ZNF431: variants seen among roughly 807,000 people sequenced by gnomAD.
ZNF431 encodes zinc finger protein 431.
Under a neutral mutation model 57.0 loss-of-function variants are expected in ZNF431, and 34 were observed. That is an observed-to-expected ratio of 0.60 (90% CI 0.45 to 0.79). ZNF431 has a LOEUF of 0.79. Among genes scored for constraint, ZNF431 ranks in the 30% least tolerant of loss-of-function variants. The pLI, the probability that ZNF431 is intolerant of heterozygous loss-of-function variation, is 0.00. For synonymous variants in ZNF431, 207 were observed against 220.3 expected, an observed-to-expected ratio of 0.94 and a Z score of 0.54; for missense variants, 607 against 667.1, an observed-to-expected ratio of 0.91 and a Z score of 0.99.
chr19:21,175,919 A>G (rs1205995670), intron 4 of ZNF431, among the ~76,000 whole-genome samples: 1 of 152,228 alleles, frequency 6.6e-6, no homozygotes, highest in African/African-American at 2.4e-5. Context: ...AGAATGATTT[A>G]TATTCCTTTG....
At chr19:21,149,153 C>A (rs1192909300) in intron 2 of ZNF431, among the ~76,000 whole-genome samples, 1 of 152,134 alleles carries the variant, frequency 6.6e-6, no homozygotes, top group Non-Finnish European at 1.5e-5. Context: ...TATAAAGTCT[C>A]TTTTCTTTAT....
intron 2 of ZNF431, among the ~76,000 whole-genome samples, chr19:21,157,281 G>T (rs556347941): frequency 8.6e-4 from 131 of 152,122 alleles, no homozygotes; most frequent in Middle Eastern, 3.4e-3. Flanking sequence ...GGGACTGCAG[G>T]CATGTGCCAT....
rs1215364408 is a variant in ZNF431, at chr19:21,191,221, G to A, written c.*7187G>A. 3 of 146,754 alleles carry A rather than the reference G, an allele frequency of 2.0e-5. No individual in the cohort carries two copies. The highest frequency in any genetic ancestry group is 5.4e-5 in the African/African-American group (2 of 37,148). 9.1% of individuals were successfully genotyped at this position (146,754 alleles called of 1,614,324 possible). The stretch of plus-strand genomic sequence containing the variant: ...TGTAATCCCAGCACTTTGGGAGGCC[G>A]AGGCAGGTGGATCACGAGGTCAGAA... On this transcript the variant is annotated 3_prime_UTR_variant, in exon 5 of 5. Coordinates refer to ENST00000311048, the MANE Select transcript of ZNF431 (RefSeq NM_133473.4).
intron 4 of ZNF431, among the ~76,000 whole-genome samples, chr19:21,176,512 G>A (rs989090223): frequency 1.3e-4 from 19 of 151,722 alleles, no homozygotes; most frequent in African/African-American, 4.4e-4. Flanking sequence ...CAAAGTGCTG[G>A]GATTATAGCC....
intron 2 of ZNF431, among the ~76,000 whole-genome samples, chr19:21,160,442 A>C (rs943344829): frequency 1.1e-4 from 16 of 152,206 alleles, no homozygotes; most frequent in African/African-American, 3.9e-4. Flanking sequence ...GTAAAATGTC[A>C]TGCTGGAGCA....
chr19:21,153,109 C>T (rs765847459), intron 2 of ZNF431, among the ~76,000 whole-genome samples: 5 of 152,208 alleles, frequency 3.3e-5, no homozygotes, highest in African/African-American at 7.2e-5. Context: ...AACTTCCAGA[C>T]ATTGCCATGG....
In ZNF431 at chr19:21,190,539, A is replaced by G. The variant is rs1305461710; in HGVS notation, c.*6505A>G. The G allele has an allele frequency of 6.6e-6, 1 of 151,706 alleles. No individual in the cohort carries two copies. The highest frequency in any genetic ancestry group is 2.4e-5 in the African/African-American group (1 of 41,276). The allele number at this position is 151,706 out of a possible 1,614,324, so 9.4% of individuals were successfully genotyped here. ...GAGTTATTCTAACAGGAATGAGTTG[A>G]TATAGGGATTTTTTTTTTGGCTTGT... On this transcript the variant is annotated 3_prime_UTR_variant, in exon 5 of 5. Transcript: ENST00000311048.
chr19:21,152,304 A>G, intron 2 of ZNF431, among the ~76,000 whole-genome samples: 1 of 152,210 alleles, frequency 6.6e-6, no homozygotes, highest in East Asian at 1.9e-4. Flanking sequence ...GGTCCAGAGA[A>G]AGACCTACTC....
intron 4 of ZNF431, among the ~76,000 whole-genome samples, chr19:21,168,805 T>C (rs147252356): frequency 9.2e-5 from 14 of 152,366 alleles, no homozygotes; most frequent in African/African-American, 3.4e-4. Context: ...TAAGACTGTT[T>C]TCTTCCTCTA....
At position 21,167,014 on chromosome 19, in the gene ZNF431, C is replaced by A. The variant is rs1450739198; in HGVS notation, c.223+553C>A. 2.6e-5 allele frequency among the ~76,000 whole-genome samples: 4 copies of A among 152,096 alleles called. No individual in the cohort carries two copies. In the East Asian group the frequency reaches 7.7e-4, roughly 29 times the overall value. ...TAGCTGGGATTACAGGTGCACACCT[C>A]CACACCCAGCAAATTTTTGTATTAG... is the stretch of plus-strand genomic sequence containing the variant. On this transcript the variant is annotated intron_variant, in intron 3 of 4. Coordinates refer to ENST00000311048, the MANE Select transcript of ZNF431 (RefSeq NM_133473.4).
At chr19:21,144,797 G>T (rs1311082283) in intron 2 of ZNF431, among the ~76,000 whole-genome samples, 1 of 152,114 alleles carries the variant, frequency 6.6e-6, no homozygotes, top group Non-Finnish European at 1.5e-5. Context: ...TAATTGGTGA[G>T]TTACATAGAT....
intron 2 of ZNF431, among the ~76,000 whole-genome samples, chr19:21,157,823 C>T (rs556354725): frequency 6.6e-5 from 10 of 151,608 alleles, no homozygotes; most frequent in Admixed American, 1.3e-4. Flanking sequence ...CCACCGCACC[C>T]GGCCATTTGT....
intron 2 of ZNF431, among the ~76,000 whole-genome samples, chr19:21,164,417 C>G (rs913832422): frequency 6.6e-6 from 1 of 152,006 alleles, no homozygotes; most frequent in African/African-American, 2.4e-5. Context: ...TATGGCAGAT[C>G]ATATTTTTAT....
chr19:21,143,668 G>A, intron 2 of ZNF431, 25 bp downstream of exon 2: 1 of 1,565,030 alleles, frequency 6.4e-7, no homozygotes, highest in Non-Finnish European at 8.8e-7. Flanking sequence ...CATTAAAATT[G>A]TCTACGCCCA....
At position 21,193,611 on chromosome 19, in the gene ZNF431, A is replaced by G. The variant is rs1971550170; in HGVS notation, c.*9577A>G. ...ACAACAACAACAAAACTATAGGCCAATATTTTGGGTGAACATTGAAACAAA... is the reference window on the plus strand; with the variant it reads ...ACAACAACAACAAAACTATAGGCCAGTATTTTGGGTGAACATTGAAACAAA... On this transcript the variant is annotated 3_prime_UTR_variant, in exon 5 of 5. Coordinates refer to ENST00000311048, the MANE Select transcript of ZNF431 (RefSeq NM_133473.4). The G allele has an allele frequency of 6.6e-6, 1 of 152,196 alleles. No homozygotes were observed. The highest frequency in any genetic ancestry group is 6.5e-5 in the Admixed American group (1 of 15,272). The allele number at this position is 152,196 out of a possible 1,614,324, so 9.4% of individuals were successfully genotyped here. A position where few individuals can be genotyped will look rare whatever the true frequency, so the allele number is the denominator to read the frequency against.
chr19:21,157,734 C>T (rs62124924), intron 2 of ZNF431, among the ~76,000 whole-genome samples: 22,066 of 151,802 alleles, frequency 0.15, 1,892 homozygotes, highest in Non-Finnish European at 0.2. Context: ...CGGGGTTTCA[C>T]CATGTTGGCC....
chr19:21,182,735 A>C lies in ZNF431; in HGVS notation c.432A>C (p.Leu144Phe). The change falls in exon 5 of 5, where the codon TTA (leucine) becomes TTC (phenylalanine). Residue 144 changes from leucine to phenylalanine, a missense_variant. By Grantham distance (22) the Leu-to-Phe change is conservative. Transcript: ENST00000311048. ...YGKCEHENLQLRKGSASVDEY... is the reference protein window; with the variant it reads ...YGKCEHENLQFRKGSASVDEY... ...AATGTGAACATGAGAATTTACAGTT[A>C]AGAAAAGGCTCCGCAAGTGTAGATG... 1 of 1,613,946 alleles carries C rather than the reference A, an allele frequency of 6.2e-7. No homozygotes were observed. The highest frequency in any genetic ancestry group is 8.5e-7 in the Non-Finnish European group (1 of 1,179,886).
rs565531387 is a variant in ZNF431 at position 21,194,390 on chromosome 19, T to C, written c.*10356T>C. 5.9e-5 allele frequency: 9 copies of C among 152,178 alleles called. No individual in the cohort carries two copies. In the South Asian group the frequency reaches 1.9e-3, roughly 32 times the overall value. 9.4% of individuals were successfully genotyped at this position (152,178 alleles called of 1,614,324 possible). A position where few individuals can be genotyped will look rare whatever the true frequency, so the allele number is the denominator to read the frequency against. On this transcript the variant is annotated 3_prime_UTR_variant, in exon 5 of 5. Coordinates refer to ENST00000311048, the MANE Select transcript of ZNF431 (RefSeq NM_133473.4). ...TAAAAAAGCTTTCTATGCTCATGGA[T>C]TTGAAGAATGAATAGAAAATGTCTA... is the stretch of plus-strand genomic sequence containing the variant.
rs965272404 is a variant in ZNF431, at chr19:21,188,422, TGGTA to T, written c.*4389_*4392del. 1 of 152,226 alleles carries T rather than the reference TGGTA, an allele frequency of 6.6e-6. No individual in the cohort carries two copies. Among genetic ancestry groups the T allele is most frequent in the Non-Finnish European group, 1.5e-5 (1 of 68,046 alleles). 9.4% of individuals were successfully genotyped at this position (152,226 alleles called of 1,614,324 possible). A position where few individuals can be genotyped will look rare whatever the true frequency, so the allele number is the denominator to read the frequency against. On this transcript the variant is annotated 3_prime_UTR_variant, in exon 5 of 5. Transcript: ENST00000311048. ...GAAATTAAATTTTTAAGAGAGTTAA[TGGTA>T]AGTAAACAATTTTAAAGTTAATTTT... is the stretch of plus-strand genomic sequence containing the variant.
Sources: gnomAD v4.1 joint callset for allele counts (sites outside exome capture counted in the v4.1 genomes callset) on GRCh38, gnomAD v4.1.1 for gene constraint, MANE v1.5 for transcripts, NCBI Gene and HGNC (gene_info 2026-07-23, HGNC 2026-07-21) for gene names.